C15orf40: variants seen among roughly 807,000 people sequenced by gnomAD.
The protein encoded by C15orf40 is UPF0235 protein C15orf40.
A neutral mutation model predicts 13.9 loss-of-function variants in C15orf40; 9 were observed. That is an observed-to-expected ratio of 0.65 (90% CI 0.39 to 1.13). The LOEUF is 1.13. Ranked by LOEUF, C15orf40 falls within the 50% of genes most tolerant of loss-of-function variation. C15orf40 has a pLI of 0.01. For synonymous variants in C15orf40, 95 were observed against 69.2 expected, an observed-to-expected ratio of 1.37 and a Z score of -1.85; for missense variants, 225 against 188.5, an observed-to-expected ratio of 1.19 and a Z score of -1.13.
rs946581235 is a variant in C15orf40, at chr15:83,002,871, T to C, written c.*2726A>G. The C allele has an allele frequency of 2.6e-5, 4 of 152,252 alleles. No individual in the cohort carries two copies. The highest frequency in any genetic ancestry group is 9.7e-5 in the African/African-American group (4 of 41,444). 9.4% of individuals were successfully genotyped at this position (152,252 alleles called of 1,614,324 possible). On this transcript the variant is annotated 3_prime_UTR_variant, in exon 4 of 4. Coordinates refer to ENST00000304177, the MANE Select transcript of C15orf40 (RefSeq NM_144597.3). The stretch of plus-strand genomic sequence containing the variant: ...GAGCGCAGTTCGCAGTTGTGCGATC[T>C]TGGCTCACTGCAACCTCTGCCTCCA...
rs934506837 is a variant in C15orf40, at chr15:83,006,332, T to C, written c.367-640A>G. ...CCAAAATAAATATTGCAATTTTATA[T>C]AAACTTTGTAGTAAAATAATTATAA... On this transcript the variant is annotated intron_variant, in intron 3 of 3. Coordinates refer to ENST00000304177, the MANE Select transcript of C15orf40 (RefSeq NM_144597.3). 2.0e-5 allele frequency: 18 copies of C among 918,176 alleles called. No individual in the cohort carries two copies. In the African/African-American group the frequency reaches 3.2e-4, roughly 16 times the overall value. 56.9% of individuals were successfully genotyped at this position (918,176 alleles called of 1,614,324 possible).
At position 82,996,396 on chromosome 15, in the gene C15orf40, T is replaced by G. The variant is rs2031075388; in HGVS notation, c.*9201A>C. 6.6e-6 allele frequency: 1 copy of G among 152,218 alleles called. No individual in the cohort carries two copies. Among genetic ancestry groups the G allele is most frequent in the South Asian group, 2.1e-4 (1 of 4,824 alleles). The allele number at this position is 152,218 out of a possible 1,614,324, so 9.4% of individuals were successfully genotyped here. On this transcript the variant is annotated 3_prime_UTR_variant, in exon 4 of 4. Transcript: ENST00000304177. Reference sequence around the variant, plus strand: ...TGGCTCACGCCTGTAATCCCAGTACTTTGGGAGGCCGAGGCAGGCGGATCA... The same window carrying G: ...TGGCTCACGCCTGTAATCCCAGTACGTTGGGAGGCCGAGGCAGGCGGATCA...
rs1285320454 is a variant in C15orf40 at position 82,998,989 on chromosome 15, C to G, written c.*6608G>C. 2 of 159,996 alleles carry G rather than the reference C, an allele frequency of 1.3e-5. No individual in the cohort carries two copies. Among genetic ancestry groups the G allele is most frequent in the South Asian group, 1.3e-4 (1 of 7,660 alleles). 9.9% of individuals were successfully genotyped at this position (159,996 alleles called of 1,614,324 possible). Reference sequence around the variant, plus strand: ...CTGGAGACCGGCCCGGCCAACACAGCGAAACCCCGTCTCCACCAAAACCAG... The same window carrying G: ...CTGGAGACCGGCCCGGCCAACACAGGGAAACCCCGTCTCCACCAAAACCAG... On this transcript the variant is annotated 3_prime_UTR_variant, in exon 4 of 4. Transcript: ENST00000304177.
intron 3 of C15orf40, among the ~76,000 whole-genome samples, chr15:83,006,977 A>C (rs1457439759): frequency 6.6e-6 from 1 of 152,210 alleles, no homozygotes; most frequent in Non-Finnish European, 1.5e-5. Context: ...GCAGTCTGTT[A>C]ATCAATGACT....
chr15:82,992,735 C>A (rs1408718697), downstream of C15orf40, among the ~76,000 whole-genome samples: 1 of 152,162 alleles, frequency 6.6e-6, no homozygotes, highest in Non-Finnish European at 1.5e-5. Flanking sequence ...AATGTTTTAA[C>A]ACCCAACACA....
chr15:82,989,303 G>T, downstream of C15orf40: 2 of 916,126 alleles, frequency 2.2e-6, no homozygotes, highest in Non-Finnish European at 3.2e-6. Context: ...GGCATACCTA[G>T]TACCTAATAA....
chr15:83,007,018 T>C (rs1337726171), intron 3 of C15orf40, among the ~76,000 whole-genome samples: 1 of 152,162 alleles, frequency 6.6e-6, no homozygotes, highest in Non-Finnish European at 1.5e-5. Flanking sequence ...GGATAGGAGC[T>C]ATATAGTATA....
chr15:83,011,384 G>A, intron 1 of C15orf40, 113 bp downstream of exon 1: 7 of 1,242,010 alleles, frequency 5.6e-6, no homozygotes, highest in Non-Finnish European at 7.5e-6. Flanking sequence ...GGAACTGAGA[G>A]ACGGCAAGCC....
chr15:83,006,672 A>C (rs1012387719), intron 3 of C15orf40, among the ~76,000 whole-genome samples: 3 of 152,162 alleles, frequency 2.0e-5, no homozygotes, highest in African/African-American at 7.2e-5. Flanking sequence ...GAATCACTTG[A>C]ACCGGGGAGG....
chr15:82,988,975 T>A, downstream of C15orf40: 1 of 1,526,844 alleles, frequency 6.5e-7, no homozygotes, highest in Non-Finnish European at 8.8e-7. Flanking sequence ...AATTTTTAAA[T>A]TTTTTTTAAT....
Position 82,998,038 on chromosome 15 carries a change from G to A in C15orf40, c.*7559C>T, listed in dbSNP as rs2151277597. The stretch of plus-strand genomic sequence containing the variant: ...GACCCCCCCACCTCCCTCCCGGACG[G>A]GGCGGCTGACCCCCCATCTCCCTCC... On this transcript the variant is annotated 3_prime_UTR_variant, in exon 4 of 4. Coordinates refer to ENST00000304177, the MANE Select transcript of C15orf40 (RefSeq NM_144597.3). The A allele has an allele frequency of 6.7e-6, 1 of 148,550 alleles. No homozygotes were observed. Among genetic ancestry groups the A allele is most frequent in the Admixed American group, 6.7e-5 (1 of 14,946 alleles). The allele number at this position is 148,550 out of a possible 1,614,324, so 9.2% of individuals were successfully genotyped here. A position where few individuals can be genotyped will look rare whatever the true frequency, so the allele number is the denominator to read the frequency against.
chr15:83,002,340 A>T lies in C15orf40; in HGVS notation c.*3257T>A, dbSNP rs952308072. The T allele has an allele frequency of 1.3e-5, 2 of 152,244 alleles. No homozygotes were observed. Among genetic ancestry groups the T allele is most frequent in the Non-Finnish European group, 2.9e-5 (2 of 68,046 alleles). The allele number at this position is 152,244 out of a possible 1,614,324, so 9.4% of individuals were successfully genotyped here. A position where few individuals can be genotyped will look rare whatever the true frequency, so the allele number is the denominator to read the frequency against. ...AAATATCACCGTTTAAAATGAAGTA[A>T]ATAGGTTATCGTAGTAGAAACTGGT... On this transcript the variant is annotated 3_prime_UTR_variant, in exon 4 of 4. Transcript: ENST00000304177.
In C15orf40 at chr15:83,005,580, G is replaced by A. The variant is rs370233890; in HGVS notation, c.*17C>T. On this transcript the variant is annotated 3_prime_UTR_variant, in exon 4 of 4. Coordinates refer to ENST00000304177, the MANE Select transcript of C15orf40 (RefSeq NM_144597.3). ...ATTACAGGCATGAGCCACTGCGCCC[G>A]GCCTCATTTCTTGCTTTTATGTTTT... 7.2e-5 allele frequency: 115 copies of A among 1,594,720 alleles called. No individual in the cohort carries two copies. Among genetic ancestry groups the A allele is most frequent in the Non-Finnish European group, 9.2e-5 (108 of 1,170,644 alleles).
downstream of C15orf40, among the ~76,000 whole-genome samples, chr15:82,991,317 G>A (rs1433102553): frequency 2.0e-5 from 3 of 152,144 alleles, no homozygotes; most frequent in Non-Finnish European, 4.4e-5. Flanking sequence ...GGAGGCTGTG[G>A]GCGGATCACT....
intron 2 of C15orf40, 151 bp from the exon 3 acceptor site, chr15:83,008,826 C>A: frequency 1.1e-6 from 1 of 882,128 alleles, no homozygotes; most frequent in Non-Finnish European, 1.7e-6. Flanking sequence ...AAACTAATCA[C>A]ATTTAAGGAA....
rs1375388883 is a variant in C15orf40 at position 82,998,975 on chromosome 15, C to G, written c.*6622G>C. Reference sequence around the variant, plus strand: ...CTCGTGGTTAGGGGCTGGAGACCGGCCCGGCCAACACAGCGAAACCCCGTC... The same window carrying G: ...CTCGTGGTTAGGGGCTGGAGACCGGGCCGGCCAACACAGCGAAACCCCGTC... On this transcript the variant is annotated 3_prime_UTR_variant, in exon 4 of 4. Transcript: ENST00000304177. 6.4e-6 allele frequency: 1 copy of G among 155,664 alleles called. No individual in the cohort carries two copies. The highest frequency in any genetic ancestry group is 1.4e-5 in the Non-Finnish European group (1 of 71,982). 9.6% of individuals were successfully genotyped at this position (155,664 alleles called of 1,614,324 possible).
In C15orf40 at chr15:83,005,696, G is replaced by A; in HGVS notation, c.367-4C>T. The A allele has an allele frequency of 6.2e-7, 1 of 1,610,564 alleles. No individual in the cohort carries two copies. The highest frequency in any genetic ancestry group is 8.5e-7 in the Non-Finnish European group (1 of 1,178,654). On this transcript the variant is annotated splice_region_variant and splice_polypyrimidine_tract_variant and intron_variant, in intron 3 of 3. Transcript: ENST00000304177. ...CCTTTTCACGAGATTTACCACCCTG[G>A]ACCAAAAGAGAAAAAGCATACTTTA...
At chr15:82,992,565 C>T (rs1439720915), downstream of C15orf40, among the ~76,000 whole-genome samples, 1 of 152,086 alleles carries the variant, frequency 6.6e-6, no homozygotes, top group Non-Finnish European at 1.5e-5. Context: ...AGCACAGGCA[C>T]TGACCAGTAG....
intron 1 of C15orf40, 152 bp from the exon 2 acceptor site, chr15:83,010,515 C>A: frequency 1.2e-6 from 1 of 836,106 alleles, no homozygotes; most frequent in Non-Finnish European, 1.9e-6. Flanking sequence ...GCTTTTCCCA[C>A]AACCTTCAAG....
Sources: allele counts gnomAD v4.1 joint callset (sites outside exome capture counted in the v4.1 genomes callset), GRCh38; gene constraint gnomAD v4.1.1; transcripts MANE v1.5; gene names NCBI Gene and HGNC (gene_info 2026-07-23, HGNC 2026-07-21).